WT1: variants seen among roughly 807,000 people sequenced by gnomAD.
WT1 encodes WT1 transcription factor.
WT1 carries 8 observed loss-of-function variants against 60.8 expected under a neutral mutation model. That is an observed-to-expected ratio of 0.13 (90% CI 0.08 to 0.24). WT1 has a LOEUF of 0.24. Among genes scored for constraint, WT1 ranks in the 10% least tolerant of loss-of-function variants. WT1 has a pLI of 1.00. For synonymous variants in WT1, 312 were observed against 297.1 expected (o/e 1.05, Z -0.52); for missense variants, 568 against 711.8 (o/e 0.80, Z 2.30).
At chr11:32,389,805 G>A (rs1300084163) in intron 9 of WT1, among the ~76,000 whole-genome samples, 1 of 151,916 alleles carries the variant, frequency 6.6e-6, no homozygotes, top group African/African-American at 2.4e-5. Context: ...GTTGGGGCGT[G>A]GTTCTTAGAT....
At chr11:32,404,790 T>A (rs1188398648) in intron 5 of WT1, among the ~76,000 whole-genome samples, 1 of 152,222 alleles carries the variant, frequency 6.6e-6, no homozygotes, top group Non-Finnish European at 1.5e-5. Context: ...AGAAACGGAC[T>A]TGGGCACGTG....
intron 1 of WT1, chr11:32,428,916 C>A: frequency 2.1e-6 from 1 of 472,468 alleles, no homozygotes. Context: ...TGCAGCGAAC[C>A]CCTGGCAAAT....
chr11:32,429,667 T>C (rs1197050855), intron 1 of WT1, among the ~76,000 whole-genome samples: 2 of 152,052 alleles, frequency 1.3e-5, no homozygotes, highest in Non-Finnish European at 2.9e-5. Flanking sequence ...CCTCTACAAG[T>C]TCCGGAGTCT....
intron 5 of WT1, chr11:32,400,426 T>A (rs983427511): frequency 5.5e-6 from 2 of 365,426 alleles, no homozygotes; most frequent in Non-Finnish European, 5.3e-6. Context: ...AGCTTCACGT[T>A]AAGTGCACTG....
In WT1 at chr11:32,435,120, G is replaced by A. The variant is rs777617460; in HGVS notation, c.241C>T (p.Leu81=). 6.6e-7 allele frequency: 1 copy of A among 1,516,020 alleles called. No homozygotes were observed. Among genetic ancestry groups the A allele is most frequent in the East Asian group, 2.6e-5 (1 of 38,322 alleles). 93.9% of individuals were successfully genotyped at this position (1,516,020 alleles called of 1,614,324 possible). A position where few individuals can be genotyped will look rare whatever the true frequency, so the allele number is the denominator to read the frequency against. Residue 81 remains leucine, a synonymous_variant, in exon 1 of 10, where the codon CTG becomes TTG. Transcript: ENST00000452863. ...GGGACGGCGGGCAGCAGCGCGTTCAGGTCCCGCACGTCGGAGCCCATTTGC... is the reference window on the plus strand; with the variant it reads ...GGGACGGCGGGCAGCAGCGCGTTCAAGTCCCGCACGTCGGAGCCCATTTGC...
chr11:32,405,842 G>A (rs182905704), intron 5 of WT1, among the ~76,000 whole-genome samples: 14 of 152,288 alleles, frequency 9.2e-5, no homozygotes, highest in African/African-American at 3.1e-4. Flanking sequence ...ACAGTCAGAT[G>A]GCAAGTGGCA....
At chr11:32,416,583 A>C in intron 4 of WT1, 43 bp from the exon 5 acceptor site, 1 of 1,612,692 alleles carries the variant, frequency 6.2e-7, no homozygotes, top group Non-Finnish European at 8.5e-7. Flanking sequence ...TGGAGCATGC[A>C]TGGATCTGGC....
chr11:32,429,689 T>C (rs940769796), intron 1 of WT1, among the ~76,000 whole-genome samples: 15 of 151,798 alleles, frequency 9.9e-5, no homozygotes, highest in African/African-American at 3.1e-4. Context: ...TGGCCTGAAG[T>C]CCAGACACAA....
At chr11:32,401,522 C>G (rs575600889) in intron 5 of WT1, among the ~76,000 whole-genome samples, 1 of 151,600 alleles carries the variant, frequency 6.6e-6, no homozygotes, top group African/African-American at 2.4e-5. Context: ...GGGTGTGGTC[C>G]GAGAAGGATG....
chr11:32,397,792 AC>A (rs1327334579), intron 6 of WT1, among the ~76,000 whole-genome samples: 8 of 152,324 alleles, frequency 5.3e-5, no homozygotes, highest in African/African-American at 1.9e-4. Flanking sequence ...GCAGTGACAT[AC>A]AACACAACAT....
At chr11:32,422,901 G>T (rs1319955718) in intron 3 of WT1, among the ~76,000 whole-genome samples, 5 of 152,234 alleles carry the variant, frequency 3.3e-5, no homozygotes, top group Non-Finnish European at 7.3e-5. Context: ...GAAAGGGAAA[G>T]GGCTAGAATG....
chr11:32,427,497 G>C (rs1853093636), intron 3 of WT1, among the ~76,000 whole-genome samples: 1 of 152,204 alleles, frequency 6.6e-6, no homozygotes, highest in South Asian at 2.1e-4. Flanking sequence ...CGCTGCCACG[G>C]GTCGAAACCC....
At chr11:32,399,604 T>A (rs1469955078) in intron 6 of WT1, among the ~76,000 whole-genome samples, 1 of 152,196 alleles carries the variant, frequency 6.6e-6, no homozygotes, top group Non-Finnish European at 1.5e-5. Flanking sequence ...AGACCAAATC[T>A]TAGAAGTCAA....
chr11:32,392,040 G>A lies in WT1; in HGVS notation c.1379C>T (p.Thr460Ile), dbSNP rs766697865. The change falls in exon 9 of 10, where the codon ACT becomes ATT. Residue 460 changes from threonine to isoleucine, a missense_variant. Thr to Ile is a moderately conservative substitution (Grantham distance 89). Coordinates refer to ENST00000452863, the MANE Select transcript of WT1 (RefSeq NM_024426.6). ...GGACCGGGAGAACTTTCGCTGACAAGTTTTACACTGGAATGGTTTCACACC... is the reference window on the plus strand; with the variant it reads ...GGACCGGGAGAACTTTCGCTGACAAATTTTACACTGGAATGGTTTCACACC... The A allele has an allele frequency of 6.2e-7, 1 of 1,614,126 alleles. No homozygotes were observed. The highest frequency in any genetic ancestry group is 8.5e-7 in the Non-Finnish European group (1 of 1,180,034).
At chr11:32,417,341 A>G (rs1190638395) in intron 4 of WT1, 3 of 550,748 alleles carry the variant, frequency 5.4e-6, no homozygotes, top group Non-Finnish European at 9.7e-6. Flanking sequence ...CAAGACCATA[A>G]TAAGTGTCCT....
Position 32,387,983 on chromosome 11 carries a change from TAAA to T in WT1, c.*1072_*1074del, listed in dbSNP as rs1471608214. On this transcript the variant is annotated 3_prime_UTR_variant, in exon 10 of 10. Transcript: ENST00000452863. ...ACGGTAAATAATAAATTCCCTCCCT[TAAA>T]AAACAAAACACAACACAACACACAC... is the stretch of plus-strand genomic sequence containing the variant. 1 of 229,312 alleles carries T rather than the reference TAAA, an allele frequency of 4.4e-6. No homozygotes were observed. The highest frequency in any genetic ancestry group is 2.4e-5 in the African/African-American group (1 of 41,936). 14.2% of individuals were successfully genotyped at this position (229,312 alleles called of 1,614,324 possible).
intron 1 of WT1, among the ~76,000 whole-genome samples, chr11:32,434,337 TA>T (rs899209029): frequency 6.6e-6 from 1 of 152,186 alleles, no homozygotes; most frequent in Non-Finnish European, 1.5e-5. Context: ...GGCGTTTCCT[TA>T]ATTAACAAAA....
chr11:32,429,377 G>A (rs914206779), intron 1 of WT1, among the ~76,000 whole-genome samples: 3 of 151,692 alleles, frequency 2.0e-5, no homozygotes, highest in African/African-American at 7.3e-5. Flanking sequence ...TTCCTTTAGA[G>A]TGTGCCTGAC....
rs113620092 is a variant in WT1, at chr11:32,406,283, C to T, written c.1017-6239G>A. 5.2e-3 allele frequency among the ~76,000 whole-genome samples: 791 copies of T among 152,164 alleles called. 9 individuals are homozygous for T. Among genetic ancestry groups the T allele is most frequent in the African/African-American group, 0.018 (747 of 41,498 alleles). ...AATTGTTCCACCTCAGATCGTCAGG[C>T]ATTAGTTAGATTCTTATAAGGAGAG... On this transcript the variant is annotated intron_variant, in intron 5 of 9. Transcript: ENST00000452863.
Sources: gnomAD v4.1 joint callset for allele counts (sites outside exome capture counted in the v4.1 genomes callset) on GRCh38, gnomAD v4.1.1 for gene constraint, MANE v1.5 for transcripts, NCBI Gene and HGNC (gene_info 2026-07-23, HGNC 2026-07-21) for gene names.